The following PLEKHB2 variants were observed in gnomAD, a reference collection of about 807,000 sequenced individuals.
PLEKHB2 encodes the protein pleckstrin homology domain containing B2.
In PLEKHB2, 31 loss-of-function variants were observed where a neutral mutation model predicts 36.5. The observed-to-expected ratio is 0.85, with a 90% CI of 0.64 to 1.15. The LOEUF is 1.15. Ranked by LOEUF, PLEKHB2 falls within the 50% of genes most tolerant of loss-of-function variation. The pLI is 0.00. For synonymous variants in PLEKHB2, 119 were observed against 112.0 expected, an observed-to-expected ratio of 1.06 and a Z score of -0.39; for missense variants, 262 against 295.3, an observed-to-expected ratio of 0.89 and a Z score of 0.83.
chr2:131,144,384 G>C (rs1426315600), intron 7 of PLEKHB2: 1 of 1,206,022 alleles, frequency 8.3e-7, no homozygotes, highest in Non-Finnish European at 1.0e-6. Flanking sequence ...CCTTTGGTTG[G>C]AGTCTTCTAT....
intron 5 of PLEKHB2, among the ~76,000 whole-genome samples, chr2:131,132,318 A>AT (rs1697785987): frequency 6.6e-6 from 1 of 151,822 alleles, no homozygotes; most frequent in South Asian, 2.1e-4. Flanking sequence ...TAACATCTTT[A>AT]TTTTTTTGGA....
chr2:131,112,682 A>T (rs1695448829), intron 1 of PLEKHB2, among the ~76,000 whole-genome samples: 1 of 152,198 alleles, frequency 6.6e-6, no homozygotes, highest in African/African-American at 2.4e-5. Flanking sequence ...TGTACCACAC[A>T]TTCCAGGAAC....
chr2:131,149,832 T>G lies in PLEKHB2; in HGVS notation c.*3059T>G, dbSNP rs1377000781. The stretch of plus-strand genomic sequence containing the variant: ...GTGAAAATGTCAATACATTAAAGCA[T>G]TAACCTTAAAGCATGTTTCATTGTG... On this transcript the variant is annotated 3_prime_UTR_variant, in exon 8 of 8. Coordinates refer to ENST00000693505, the MANE Select transcript of PLEKHB2 (RefSeq NM_001100623.2). 1.3e-5 allele frequency: 2 copies of G among 152,268 alleles called. No individual in the cohort carries two copies. The highest frequency in any genetic ancestry group is 2.4e-5 in the African/African-American group (1 of 41,470). The allele number at this position is 152,268 out of a possible 1,614,324, so 9.4% of individuals were successfully genotyped here. A position where few individuals can be genotyped will look rare whatever the true frequency, so the allele number is the denominator to read the frequency against.
chr2:131,130,655 C>A lies in PLEKHB2; in HGVS notation c.294-66C>A, dbSNP rs1393442377. On this transcript the variant is annotated intron_variant, in intron 4 of 7. Transcript: ENST00000693505. ...ATCTTTTCAGGAATTCTGATGCCAG[C>A]CCAGGTTTCAGAATCATTGCAATGT... is the stretch of plus-strand genomic sequence containing the variant. The A allele has an allele frequency of 6.8e-6, 8 of 1,183,182 alleles. No individual in the cohort carries two copies. In the South Asian group the frequency reaches 7.4e-5, roughly 11 times the overall value. The allele number at this position is 1,183,182 out of a possible 1,614,324, so 73.3% of individuals were successfully genotyped here.
chr2:131,108,222 A>G (rs1036968136), intron 1 of PLEKHB2, among the ~76,000 whole-genome samples: 1 of 152,238 alleles, frequency 6.6e-6, no homozygotes, highest in Non-Finnish European at 1.5e-5. Flanking sequence ...TCAAAGAGAT[A>G]CAAATTCAAA....
intron 2 of PLEKHB2, among the ~76,000 whole-genome samples, chr2:131,123,235 C>A (rs1449352178): frequency 6.6e-6 from 1 of 152,134 alleles, no homozygotes; most frequent in Non-Finnish European, 1.5e-5. Flanking sequence ...TCCTTCTTTC[C>A]TGAAAGTAGA....
chr2:131,110,449 T>A, intron 1 of PLEKHB2, among the ~76,000 whole-genome samples: 1 of 152,076 alleles, frequency 6.6e-6, no homozygotes, highest in East Asian at 1.9e-4. Flanking sequence ...CATTCATGGC[T>A]TACTGTGCTT....
chr2:131,139,442 A>G lies in PLEKHB2; in HGVS notation c.424-725A>G, dbSNP rs534051634. 2.0e-4 allele frequency among the ~76,000 whole-genome samples: 30 copies of G among 151,616 alleles called. No homozygotes were observed. In the South Asian group the frequency reaches 5.9e-3, roughly 30 times the overall value. On this transcript the variant is annotated intron_variant, in intron 6 of 7. Transcript: ENST00000693505. ...AGATAACAGGTTTAGATCTACACAC[A>G]TGTTTGCCTGGCTACAACTCTGTTC...
intron 1 of PLEKHB2, among the ~76,000 whole-genome samples, chr2:131,105,739 C>G (rs77185222): frequency 2.0e-5 from 3 of 152,300 alleles, no homozygotes; most frequent in Middle Eastern, 3.4e-3. Flanking sequence ...CCCCTCCTCT[C>G]CGGCCCCGCG....
intron 2 of PLEKHB2, among the ~76,000 whole-genome samples, chr2:131,124,181 G>A (rs1283897877): frequency 1.3e-5 from 2 of 151,770 alleles, no homozygotes; most frequent in Admixed American, 1.3e-4. Flanking sequence ...GTAGTCAAGT[G>A]GATGCTTGGG....
chr2:131,128,664 C>T (rs1040481914), intron 4 of PLEKHB2, among the ~76,000 whole-genome samples: 6 of 152,156 alleles, frequency 3.9e-5, no homozygotes, highest in African/African-American at 1.2e-4. Flanking sequence ...TTCAATACAA[C>T]CCCAAATGAA....
chr2:131,138,033 T>C (rs1698436793), intron 6 of PLEKHB2, among the ~76,000 whole-genome samples: 1 of 151,394 alleles, frequency 6.6e-6, no homozygotes, highest in Non-Finnish European at 1.5e-5. Flanking sequence ...TTTTTTTTTT[T>C]TTTACTTCAA....
intron 4 of PLEKHB2, among the ~76,000 whole-genome samples, 179 bp from the exon 5 acceptor site, chr2:131,130,542 A>G (rs1387752228): frequency 1.3e-5 from 2 of 152,214 alleles, no homozygotes; most frequent in Admixed American, 6.5e-5. Flanking sequence ...TTACATATCT[A>G]TTATGTATGT....
chr2:131,141,565 G>A (rs887886787), intron 7 of PLEKHB2, among the ~76,000 whole-genome samples: 1 of 151,420 alleles, frequency 6.6e-6, no homozygotes, highest in Non-Finnish European at 1.5e-5. Flanking sequence ...GCATGAACCC[G>A]GGAGGCGGAG....
At position 131,149,724 on chromosome 2, in the gene PLEKHB2, T is replaced by C. The variant is rs1162356140; in HGVS notation, c.*2951T>C. ...TTTCTCCCCAGAGTTGATCTTTTTG[T>C]GATTGCTTTCCCGTCTCTAGTAGTA... On this transcript the variant is annotated 3_prime_UTR_variant, in exon 8 of 8. Coordinates refer to ENST00000693505, the MANE Select transcript of PLEKHB2 (RefSeq NM_001100623.2). The C allele has an allele frequency of 6.6e-6, 1 of 152,244 alleles. No homozygotes were observed. Among genetic ancestry groups the C allele is most frequent in the East Asian group, 1.9e-4 (1 of 5,208 alleles). 9.4% of individuals were successfully genotyped at this position (152,244 alleles called of 1,614,324 possible). A position where few individuals can be genotyped will look rare whatever the true frequency, so the allele number is the denominator to read the frequency against.
chr2:131,123,938 T>A (rs1329656313), intron 2 of PLEKHB2, among the ~76,000 whole-genome samples: 1 of 151,706 alleles, frequency 6.6e-6, no homozygotes, highest in African/African-American at 2.4e-5. Context: ...AGCCTTGATC[T>A]TCCAGGTTCA....
In PLEKHB2 at chr2:131,110,317, G is replaced by GTT. The variant is rs781526594; in HGVS notation, c.-9+4935_-9+4936dup. 8.4e-4 allele frequency among the ~76,000 whole-genome samples: 109 copies of GTT among 129,410 alleles called. 2 individuals are homozygous for GTT. In the East Asian group the frequency reaches 0.014, roughly 16 times the overall value. The allele number at this position is 129,410 out of a possible 152,430, so 84.9% of individuals were successfully genotyped here. On this transcript the variant is annotated intron_variant, in intron 1 of 7. Coordinates refer to ENST00000693505, the MANE Select transcript of PLEKHB2 (RefSeq NM_001100623.2). The stretch of plus-strand genomic sequence containing the variant: ...ACTCGGTCCTGCTCCAGTCTGGACT[G>GTT]TTTTTTTTTTTTTTTTTCCTCCCCA...
chr2:131,146,493 G>T, intron 7 of PLEKHB2, 144 bp from the exon 8 acceptor site: 1 of 745,488 alleles, frequency 1.3e-6, no homozygotes, highest in Non-Finnish European at 2.1e-6. Flanking sequence ...TCGGCCACAT[G>T]ATGTGCCTGT....
At chr2:131,114,463 T>C (rs1459245491) in intron 1 of PLEKHB2, among the ~76,000 whole-genome samples, 1 of 152,216 alleles carries the variant, frequency 6.6e-6, no homozygotes, top group Non-Finnish European at 1.5e-5. Flanking sequence ...GTGATTAACA[T>C]TGGACTTCTT....
Sources: gnomAD v4.1 joint callset for allele counts (sites outside exome capture counted in the v4.1 genomes callset) on GRCh38, gnomAD v4.1.1 for gene constraint, MANE v1.5 for transcripts, NCBI Gene and HGNC (gene_info 2026-07-23, HGNC 2026-07-21) for gene names.